The following TAF6 variants were observed in gnomAD, a reference collection of about 807,000 sequenced individuals.
TAF6 encodes the protein transcription initiation factor TFIID subunit 6.
In TAF6, 50 loss-of-function variants were observed where a neutral mutation model predicts 73.5. The ratio of observed to expected loss-of-function variants is 0.68; its 90% CI spans 0.54 to 0.86. TAF6 has a LOEUF of 0.86. Among genes scored for constraint, TAF6 ranks in the 40% least tolerant of loss-of-function variants. TAF6 has a pLI of 0.00. For missense variants in TAF6, 768 were observed against 899.5 expected, an observed-to-expected ratio of 0.85 and a Z score of 1.87; for synonymous variants, 424 against 376.7, an observed-to-expected ratio of 1.13 and a Z score of -1.45.
rs980799610 is a variant in TAF6 at position 100,108,605 on chromosome 7, C to G, written c.1285-65G>C. On this transcript the variant is annotated intron_variant, in intron 12 of 14. Transcript: ENST00000453269. ...GGAAAAAAGCCAGGTAGAGGGAGGG[C>G]TGGTGACACTCTTGAGAAGAACCTT... The G allele has an allele frequency of 4.6e-6, 7 of 1,516,226 alleles. No homozygotes were observed. The East Asian group carries it at 1.6e-4, about 35-fold the overall frequency. The allele number at this position is 1,516,226 out of a possible 1,614,324, so 93.9% of individuals were successfully genotyped here.
rs192527258 is a variant in TAF6, at chr7:100,115,271, C to T, written c.-59-1003G>A. On this transcript the variant is annotated intron_variant, in intron 1 of 14. Transcript: ENST00000453269. ...CCTCTCAAAGTGTTGGAATTAAAGG[C>T]GTGAGCCGAAGTGTCTGGCCCAGGC... is the stretch of plus-strand genomic sequence containing the variant. 4.6e-5 allele frequency: 7 copies of T among 152,350 alleles called. No homozygotes were observed. In the East Asian group the frequency reaches 9.6e-4, roughly 21 times the overall value. The allele number at this position is 152,350 out of a possible 1,614,324, so 9.4% of individuals were successfully genotyped here.
At position 100,107,635 on chromosome 7, in the gene TAF6, G is replaced by C; in HGVS notation, c.1657-12C>G. 6.2e-7 allele frequency: 1 copy of C among 1,609,084 alleles called. No individual in the cohort carries two copies. The stretch of plus-strand genomic sequence containing the variant: ...CTGAGGGACAGGACCTGGATAGAAA[G>C]GAAAGGCAGGCCGCTTGCCCTGTGC... On this transcript the variant is annotated splice_polypyrimidine_tract_variant and intron_variant, in intron 14 of 14. Transcript: ENST00000453269.
In TAF6 at chr7:100,113,642, C is replaced by T. The variant is rs148526992; in HGVS notation, c.371G>A (p.Arg124Gln). Residue 124 changes from arginine to glutamine, a missense_variant, in exon 4 of 15, where the codon CGG becomes CAG. Physicochemically the swap from Arg to Gln is conservative, Grantham distance 43. Coordinates refer to ENST00000453269, the MANE Select transcript of TAF6 (RefSeq NM_139315.3). ...LSDIINTPLP[R>Q]VPLDVCLKAH... ...TTTGAGGCAGACGTCCAGGGGCACCCGGGGCAGAGGGGTATTGATGATGTC... is the reference window on the plus strand; with the variant it reads ...TTTGAGGCAGACGTCCAGGGGCACCTGGGGCAGAGGGGTATTGATGATGTC... 3.7e-6 allele frequency: 6 copies of T among 1,613,954 alleles called. No homozygotes were observed. Among genetic ancestry groups the T allele is most frequent in the African/African-American group, 1.3e-5 (1 of 74,878 alleles).
intron 1 of TAF6, among the ~76,000 whole-genome samples, chr7:100,118,011 A>G (rs1189454134): frequency 6.9e-6 from 1 of 144,960 alleles, no homozygotes; most frequent in Admixed American, 7.4e-5. Flanking sequence ...GCACCACTGC[A>G]CTCCAGCCTG....
chr7:100,111,427 A>C, intron 9 of TAF6, 106 bp from the exon 10 acceptor site: 1 of 1,318,834 alleles, frequency 7.6e-7, no homozygotes, highest in Non-Finnish European at 1.0e-6. Context: ...ATCATGGCTA[A>C]CTGCAGCATC....
At chr7:100,118,351 CAAA>C (rs553977606) in intron 1 of TAF6, 7 of 78,056 alleles carry the variant, frequency 9.0e-5, no homozygotes, top group Non-Finnish European at 8.1e-5. Flanking sequence ...GACTCCATCT[CAAA>C]AAAAAAAAAA....
intron 1 of TAF6, among the ~76,000 whole-genome samples, chr7:100,116,972 G>C (rs553487920): frequency 7.1e-4 from 108 of 152,208 alleles, no homozygotes; most frequent in South Asian, 2.1e-3. Context: ...TTTGGGCATG[G>C]CGCAGTGGCT....
Position 100,109,949 on chromosome 7 carries a change from A to C in TAF6, c.1283T>G (p.Leu428Arg), listed in dbSNP as rs1432709040. The C allele has an allele frequency of 1.2e-6, 2 of 1,614,026 alleles. No individual in the cohort carries two copies. The highest frequency in any genetic ancestry group is 1.7e-6 in the Non-Finnish European group (2 of 1,180,028). ...IGADHVQSLL[L>R]KHCAPVLAKL... ...TGTGGGGACAGGGGCTTCAGTCACC[A>C]GCAGGAGGCTCTGCACATGGTCTGC... Residue 428 changes from leucine to arginine, a missense_variant and splice_region_variant, in exon 12 of 15, where the codon CTG becomes CGG. Leu to Arg is a moderately radical substitution (Grantham distance 102). Around this residue, in one of 5 missense-constraint regions of TAF6, gnomAD observed 350 missense variants for 352.3 expected, o/e 0.99. Coordinates refer to ENST00000453269, the MANE Select transcript of TAF6 (RefSeq NM_139315.3).
upstream of TAF6, chr7:100,119,489 G>A (rs1797953071): frequency 7.4e-7 from 1 of 1,350,692 alleles, no homozygotes; most frequent in Non-Finnish European, 9.7e-7. Flanking sequence ...TATATAAGGA[G>A]CACTCCCTCT....
chr7:100,122,316 G>A (rs150868896), upstream of TAF6: 60 of 1,614,092 alleles, frequency 3.7e-5, no homozygotes, highest in Non-Finnish European at 4.2e-5. Context: ...GGTCGATCTC[G>A]AGAGGTGCTG....
At chr7:100,113,583 C>T (rs1389133587) in intron 4 of TAF6, 33 bp downstream of exon 4, 2 of 1,609,916 alleles carry the variant, frequency 1.2e-6, no homozygotes, top group African/African-American at 2.7e-5. Flanking sequence ...TCCTTTCCCT[C>T]CTCCCTGCCA....
chr7:100,118,351 CAA>C (rs553977606), intron 1 of TAF6: 19 of 77,992 alleles, frequency 2.4e-4, no homozygotes, highest in Non-Finnish European at 3.5e-4. Flanking sequence ...GACTCCATCT[CAA>C]AAAAAAAAAA....
chr7:100,121,769 G>T (rs1002201203), upstream of TAF6, among the ~76,000 whole-genome samples: 1 of 151,420 alleles, frequency 6.6e-6, no homozygotes, highest in Non-Finnish European at 1.5e-5. Context: ...TGAAGAAACC[G>T]GCCGGGCGTG....
At chr7:100,116,849 T>A (rs1303531717) in intron 1 of TAF6, among the ~76,000 whole-genome samples, 1 of 152,176 alleles carries the variant, frequency 6.6e-6, no homozygotes, top group Non-Finnish European at 1.5e-5. Context: ...CTGCCTGGAA[T>A]GTTCTTCCCA....
At chr7:100,117,459 A>G (rs1208497680) in intron 1 of TAF6, among the ~76,000 whole-genome samples, 2 of 151,406 alleles carry the variant, frequency 1.3e-5, no homozygotes, top group African/African-American at 2.4e-5. Context: ...TTTAGTAGAG[A>G]TGGGGTTTCA....
Position 100,114,353 on chromosome 7 carries a change from GGAGGAACTCC to G in TAF6, c.-59-95_-59-86del, listed in dbSNP as rs766668909. On this transcript the variant is annotated intron_variant, in intron 1 of 14. Transcript: ENST00000453269. ...ACAAAGGGAGGACAGTGGAGACAGG[GGAGGAACTCC>G]GAGTGTCTTATGTCCATCCCCACGT... 3.0e-6 allele frequency: 4 copies of G among 1,344,500 alleles called. No homozygotes were observed. The African/African-American group carries it at 5.8e-5, about 19-fold the overall frequency. The allele number at this position is 1,344,500 out of a possible 1,614,324, so 83.3% of individuals were successfully genotyped here. A position where few individuals can be genotyped will look rare whatever the true frequency, so the allele number is the denominator to read the frequency against.
intron 6 of TAF6, 125 bp from the exon 7 acceptor site, chr7:100,112,378 C>T (rs1797269051): frequency 7.4e-7 from 1 of 1,355,680 alleles, no homozygotes; most frequent in South Asian, 1.5e-5. Flanking sequence ...GCTCCCCCAT[C>T]CTTTCTGGGG....
At chr7:100,107,835 G>C in intron 14 of TAF6, 91 bp downstream of exon 14, 1 of 1,479,148 alleles carries the variant, frequency 6.8e-7, no homozygotes, top group East Asian at 2.3e-5. Flanking sequence ...TTGGGGCCCA[G>C]AGGGGACTGT....
upstream of TAF6, chr7:100,121,116 A>AT (rs1163501525): frequency 4.2e-4 from 22 of 52,774 alleles, 3 homozygotes; most frequent in African/African-American, 1.1e-3. Flanking sequence ...ATATATATAT[A>AT]TTTTTTTTTT....
Sources: gnomAD v4.1 joint callset for allele counts (sites outside exome capture counted in the v4.1 genomes callset) on GRCh38, gnomAD v4.1.1 for gene constraint, gnomAD v4.1.1 regional missense constraint, MANE v1.5 for transcripts, NCBI Gene and HGNC (gene_info 2026-07-23, HGNC 2026-07-21) for gene names.